TGFA: variants seen among roughly 807,000 people sequenced by gnomAD.
TGFA encodes protransforming growth factor alpha.
TGFA carries 12 observed loss-of-function variants against 21.7 expected under a neutral mutation model. The ratio of observed to expected loss-of-function variants is 0.55; its 90% confidence interval spans 0.35 to 0.90. The LOEUF (loss-of-function observed/expected upper bound fraction) is 0.90, where lower values mean the gene tolerates loss of function less well. TGFA is among the 40% of genes least tolerant of loss of function. TGFA has a pLI of 0.01. For synonymous variants in TGFA, 79 were observed against 88.1 expected, an observed-to-expected ratio of 0.90 and a Z score of 0.58; for missense variants, 178 against 210.8, an observed-to-expected ratio of 0.84 and a Z score of 0.96.
At chr2:70,524,437 G>T (rs963928477) in intron 1 of TGFA, among the ~76,000 whole-genome samples, 5 of 152,240 alleles carry the variant, frequency 3.3e-5, no homozygotes, top group Admixed American at 6.5e-5. Flanking sequence ...GCCTGCTCAC[G>T]CACTGGCTGG....
chr2:70,553,251 TC>T, intron 1 of TGFA: 1 of 1,536,162 alleles, frequency 6.5e-7, no homozygotes, highest in African/African-American at 1.4e-5. Flanking sequence ...TCTCTGCTCG[TC>T]GCTGGGGCTT....
chr2:70,542,402 G>C (rs1553505292), intron 1 of TGFA, among the ~76,000 whole-genome samples: 1 of 152,106 alleles, frequency 6.6e-6, no homozygotes, highest in African/African-American at 2.4e-5. Context: ...GCGCCTAGGA[G>C]AATTGTTTAC....
intron 2 of TGFA, among the ~76,000 whole-genome samples, chr2:70,497,560 C>A (rs1038828878): frequency 6.6e-6 from 1 of 152,194 alleles, no homozygotes; most frequent in Non-Finnish European, 1.5e-5. Context: ...GAGCTGAGGT[C>A]CTTGAGCATC....
rs200314587 is a variant in TGFA at position 70,450,847 on chromosome 2, C to T, written c.*12G>A. 5.3e-5 allele frequency: 86 copies of T among 1,609,582 alleles called. No homozygotes were observed. Among genetic ancestry groups the T allele is most frequent in the Non-Finnish European group, 7.0e-5 (82 of 1,177,890 alleles). On this transcript the variant is annotated 3_prime_UTR_variant, in exon 6 of 6. Transcript: ENST00000295400. ...CCACAGTCCACCTGGCCAAACTCCT[C>T]CTCTGGGCTCTTCAGACCACTGGCA...
chr2:70,453,352 C>A, intron 4 of TGFA, 25 bp from the exon 5 acceptor site: 3 of 1,606,958 alleles, frequency 1.9e-6, no homozygotes, highest in South Asian at 1.1e-5. Context: ...AGGACCCAGT[C>A]TGGGCAGGAG....
chr2:70,486,269 G>A (rs1020907211), intron 2 of TGFA, among the ~76,000 whole-genome samples: 8 of 152,170 alleles, frequency 5.3e-5, no homozygotes, highest in African/African-American at 9.7e-5. Context: ...CTTAAGGGAC[G>A]AAGGGTACAG....
At chr2:70,504,341 T>C (rs890806317) in intron 2 of TGFA, among the ~76,000 whole-genome samples, 1 of 149,442 alleles carries the variant, frequency 6.7e-6, no homozygotes, top group Non-Finnish European at 1.5e-5. Context: ...GCCCAGGAGG[T>C]GGAAGTTGCA....
At chr2:70,541,370 T>A (rs901683982) in intron 1 of TGFA, among the ~76,000 whole-genome samples, 3 of 152,148 alleles carry the variant, frequency 2.0e-5, no homozygotes, top group Non-Finnish European at 4.4e-5. Context: ...AATCTAGCAA[T>A]GTTGTGAAGG....
At chr2:70,455,146 A>G (rs375377820) in intron 4 of TGFA, among the ~76,000 whole-genome samples, 61 of 152,292 alleles carry the variant, frequency 4.0e-4, no homozygotes, top group African/African-American at 1.4e-3. Flanking sequence ...AGCAGAATGG[A>G]TACTGCTTGG....
intron 2 of TGFA, among the ~76,000 whole-genome samples, chr2:70,471,114 C>G (rs1360940810): frequency 7.1e-6 from 1 of 141,178 alleles, no homozygotes; most frequent in Non-Finnish European, 1.5e-5. Context: ...CCCGCACCCC[C>G]CCCACCATAT....
chr2:70,537,142 T>C (rs1672997073), intron 1 of TGFA, among the ~76,000 whole-genome samples: 1 of 152,150 alleles, frequency 6.6e-6, no homozygotes, highest in Admixed American at 6.5e-5. Flanking sequence ...TCAGTGATCT[T>C]TGATGTTACT....
At chr2:70,514,738 T>G in intron 2 of TGFA, 121 bp downstream of exon 2, 5 of 1,075,268 alleles carry the variant, frequency 4.7e-6, no homozygotes, top group Non-Finnish European at 6.9e-6. Flanking sequence ...CAGAGAGGAC[T>G]CCGGGACAGG....
chr2:70,547,020 C>A (rs1673325571), intron 1 of TGFA, among the ~76,000 whole-genome samples: 1 of 152,146 alleles, frequency 6.6e-6, no homozygotes, highest in South Asian at 2.1e-4. Context: ...CTACATTTTT[C>A]TTTGCACATT....
At chr2:70,495,210 CACT>C (rs1326951587) in intron 2 of TGFA, among the ~76,000 whole-genome samples, 8 of 152,180 alleles carry the variant, frequency 5.3e-5, no homozygotes, top group Non-Finnish European at 7.3e-5. Context: ...TGTGAAATGC[CACT>C]ACTATCACAT....
At chr2:70,494,716 C>G (rs1671530464) in intron 2 of TGFA, among the ~76,000 whole-genome samples, 1 of 152,196 alleles carries the variant, frequency 6.6e-6, no homozygotes, top group African/African-American at 2.4e-5. Flanking sequence ...ATTTGCATCT[C>G]TTTGATGACT....
At chr2:70,471,458 A>G (rs3821269) in intron 2 of TGFA, among the ~76,000 whole-genome samples, 81,828 of 152,048 alleles carry the variant, frequency 0.54, 22,317 homozygotes, top group African/African-American at 0.61. Context: ...AGGGTGCTGT[A>G]CGAGCCTCGT....
intron 4 of TGFA, among the ~76,000 whole-genome samples, chr2:70,455,631 A>G (rs1364251321): frequency 3.9e-5 from 6 of 152,214 alleles, no homozygotes; most frequent in Admixed American, 3.9e-4. Flanking sequence ...TAAATCCCCT[A>G]AGACTCAGAC....
At chr2:70,529,458 G>A (rs540979367) in intron 1 of TGFA, among the ~76,000 whole-genome samples, 22 of 152,278 alleles carry the variant, frequency 1.4e-4, no homozygotes, top group African/African-American at 4.3e-4. Context: ...TCACGGATGC[G>A]TGTAAATAAA....
At chr2:70,549,952 C>G (rs1422934532) in intron 1 of TGFA, among the ~76,000 whole-genome samples, 2 of 152,218 alleles carry the variant, frequency 1.3e-5, no homozygotes, top group African/African-American at 4.8e-5. Context: ...TGAACACTCC[C>G]TAATTATGGC....
Sources: gnomAD v4.1 joint callset for allele counts (sites outside exome capture counted in the v4.1 genomes callset) on GRCh38, gnomAD v4.1.1 for gene constraint, MANE v1.5 for transcripts, NCBI Gene and HGNC (gene_info 2026-07-23, HGNC 2026-07-21) for gene names.